The following PKIG variants were observed in gnomAD, a reference collection of about 807,000 sequenced individuals.
The protein encoded by PKIG is protein kinase (cAMP-dependent, catalytic) inhibitor gamma.
PKIG carries 1 observed loss-of-function variant against 6.8 expected under a neutral mutation model. That is an observed-to-expected ratio of 0.15 (90% CI 0.05 to 0.69). The LOEUF is 0.69. Ranked by LOEUF, PKIG falls within the 30% of genes least tolerant of loss-of-function variation. PKIG has a pLI of 0.82. For synonymous variants in PKIG, 39 were observed against 43.0 expected (o/e 0.91, Z 0.36); for missense variants, 77 against 104.0 (o/e 0.74, Z 1.13).
At chr20:44,565,079 C>G (rs557439757) in intron 1 of PKIG, among the ~76,000 whole-genome samples, 43 of 152,272 alleles carry the variant, frequency 2.8e-4, no homozygotes, top group Admixed American at 1.8e-3. Flanking sequence ...TTGACCTGGG[C>G]GCTTATGAAA....
intron 1 of PKIG, among the ~76,000 whole-genome samples, chr20:44,564,607 G>T (rs985835798): frequency 6.6e-6 from 1 of 152,114 alleles, no homozygotes; most frequent in African/African-American, 2.4e-5. Flanking sequence ...GGGTCTTGCT[G>T]TGTTTTCCAC....
intron 1 of PKIG, among the ~76,000 whole-genome samples, chr20:44,588,117 A>G (rs1363315361): frequency 6.6e-6 from 1 of 152,256 alleles, no homozygotes; most frequent in Non-Finnish European, 1.5e-5. Flanking sequence ...GAGCAGTAGC[A>G]TTTGAGCTGA....
At chr20:44,599,728 C>T (rs1289797270) in intron 2 of PKIG, among the ~76,000 whole-genome samples, 1 of 151,780 alleles carries the variant, frequency 6.6e-6, no homozygotes, top group African/African-American at 2.4e-5. Flanking sequence ...CTCAAAAAAA[C>T]AAAAAACAAA....
chr20:44,582,943 C>T (rs1003823714), intron 1 of PKIG, among the ~76,000 whole-genome samples: 3 of 152,188 alleles, frequency 2.0e-5, no homozygotes, highest in Non-Finnish European at 2.9e-5. Context: ...AAATGGGCTC[C>T]ATTCAGATGC....
intron 1 of PKIG, among the ~76,000 whole-genome samples, chr20:44,537,911 T>C (rs1194558547): frequency 6.6e-6 from 1 of 152,054 alleles, no homozygotes; most frequent in African/African-American, 2.4e-5. Flanking sequence ...TTTCTGACTT[T>C]AGTAGGAGAA....
intron 2 of PKIG, among the ~76,000 whole-genome samples, chr20:44,600,136 G>A (rs2065108908): frequency 6.6e-6 from 1 of 152,204 alleles, no homozygotes; most frequent in Non-Finnish European, 1.5e-5. Flanking sequence ...GTCTAGTAAA[G>A]GCTTTGAGGT....
intron 1 of PKIG, among the ~76,000 whole-genome samples, chr20:44,561,702 C>T (rs1212374936): frequency 3.9e-5 from 6 of 152,102 alleles, no homozygotes; most frequent in Non-Finnish European, 8.8e-5. Context: ...ACTGTGGCCT[C>T]AAACTTCTGG....
chr20:44,536,107 A>G lies in PKIG; in HGVS notation c.-241+4129A>G, dbSNP rs1299768730. Among the ~76,000 whole-genome samples, 3 of 152,320 alleles carry G rather than the reference A, an allele frequency of 2.0e-5. No individual in the cohort carries two copies. The East Asian group carries it at 5.8e-4, about 29-fold the overall frequency. On this transcript the variant is annotated intron_variant, in intron 1 of 4. Transcript: ENST00000372887. ...CTTATTTCACTAGCATAGTGTCCTC[A>G]AGGTTCATCCTTGTTGTGTAGCATG... is the stretch of plus-strand genomic sequence containing the variant.
chr20:44,555,751 A>AT (rs562781760), intron 1 of PKIG, among the ~76,000 whole-genome samples: 2 of 152,050 alleles, frequency 1.3e-5, no homozygotes, highest in South Asian at 2.1e-4. Flanking sequence ...AGGGAACCTC[A>AT]TTTTTTTTAA....
chr20:44,571,507 G>A (rs111707696), intron 1 of PKIG, among the ~76,000 whole-genome samples: 4 of 152,122 alleles, frequency 2.6e-5, no homozygotes, highest in South Asian at 2.1e-4. Flanking sequence ...ACTATAAACC[G>A]TTGTCTTCAC....
intron 1 of PKIG, among the ~76,000 whole-genome samples, chr20:44,561,484 C>T (rs2064766954): frequency 6.6e-6 from 1 of 152,080 alleles, no homozygotes; most frequent in African/African-American, 2.4e-5. Context: ...CAAGAGAGAA[C>T]TAGTGAACTA....
chr20:44,593,415 C>T (rs1372031732), intron 2 of PKIG, among the ~76,000 whole-genome samples: 2 of 143,932 alleles, frequency 1.4e-5, no homozygotes, highest in Non-Finnish European at 3.0e-5. Flanking sequence ...ACACACACGA[C>T]TATTACTCAG....
At chr20:44,589,139 A>G (rs1346412306) in intron 1 of PKIG, among the ~76,000 whole-genome samples, 3 of 152,208 alleles carry the variant, frequency 2.0e-5, no homozygotes, top group Non-Finnish European at 4.4e-5. Context: ...GCACGTACAC[A>G]AATGCTGTAC....
intron 2 of PKIG, among the ~76,000 whole-genome samples, chr20:44,604,858 A>C (rs371497009): frequency 6.6e-6 from 1 of 152,354 alleles, no homozygotes; most frequent in East Asian, 1.9e-4. Flanking sequence ...AGAAGACTCA[A>C]TATCATAAAA....
In PKIG at chr20:44,582,602, CAGAG is replaced by C. The variant is rs932439629; in HGVS notation, c.-220_-217del. 6.6e-6 allele frequency: 1 copy of C among 152,370 alleles called. No homozygotes were observed. The highest frequency in any genetic ancestry group is 2.4e-5 in the African/African-American group (1 of 41,430). The allele number at this position is 152,370 out of a possible 1,614,324, so 9.4% of individuals were successfully genotyped here. A position where few individuals can be genotyped will look rare whatever the true frequency, so the allele number is the denominator to read the frequency against. ...TCATTTAGGAGACACGGGGAAGAGA[CAGAG>C]AGGAGGGTAAAGTGAGAATCCTGCC... On this transcript the variant is annotated 5_prime_UTR_variant, in exon 1 of 4. Coordinates refer to ENST00000372886, the MANE Select transcript of PKIG (RefSeq NM_001281445.2).
At chr20:44,613,300 G>T (rs1028530142) in intron 2 of PKIG, among the ~76,000 whole-genome samples, 1 of 152,190 alleles carries the variant, frequency 6.6e-6, no homozygotes, top group African/African-American at 2.4e-5. Flanking sequence ...TGAGTAGCTG[G>T]AACTACAGGC....
At chr20:44,589,587 A>C (rs1484113466) in intron 1 of PKIG, among the ~76,000 whole-genome samples, 1 of 152,182 alleles carries the variant, frequency 6.6e-6, no homozygotes, top group Admixed American at 6.5e-5. Flanking sequence ...TATTTCACTG[A>C]GTATCTTTTT....
chr20:44,614,655 G>A lies in PKIG; in HGVS notation c.99G>A (p.Val33=), dbSNP rs751246910. The part of the protein sequence containing the change: ...VPDIQGDSEA[V]SVRKLAGDMG... ...ACATCCAGGGAGACTCAGAGGCTGT[G>A]AGCGTGAGGAAGCTGGCTGGAGACA... Residue 33 remains valine (V), a synonymous_variant, in exon 3 of 4, where the codon GTG becomes GTA. Transcript: ENST00000372886. The surrounding 1 kb of genome is among the most constrained non-coding windows in gnomAD (Gnocchi z 4.6). The A allele has an allele frequency of 1.2e-5, 20 of 1,614,062 alleles. No individual in the cohort carries two copies. The highest frequency in any genetic ancestry group is 4.5e-5 in the East Asian group (2 of 44,884).
At chr20:44,578,202 A>G (rs963259955), upstream of PKIG, among the ~76,000 whole-genome samples, 7 of 151,630 alleles carry the variant, frequency 4.6e-5, no homozygotes, top group Non-Finnish European at 8.8e-5. Context: ...TTAGCCGGGC[A>G]TGGTGGTGGG....
Sources: gnomAD v4.1 joint callset for allele counts (sites outside exome capture counted in the v4.1 genomes callset) on GRCh38, gnomAD v4.1.1 for gene constraint, Gnocchi (gnomAD v3.1) non-coding constraint, MANE v1.5 for transcripts, NCBI Gene and HGNC (gene_info 2026-07-23, HGNC 2026-07-21) for gene names.